The following RGS18 variants were observed in gnomAD, a reference collection of about 807,000 sequenced individuals.
RGS18 encodes the protein regulator of G-protein signaling 18.
Under a neutral mutation model 27.6 loss-of-function variants are expected in RGS18, and 22 were observed. That is an observed-to-expected ratio of 0.80 (90% confidence interval 0.57 to 1.14). RGS18 has a LOEUF of 1.14. RGS18 is among the 50% of genes most tolerant of loss of function. RGS18 has a pLI of 0.00. For synonymous variants in RGS18, 89 were observed against 84.6 expected, an observed-to-expected ratio of 1.05 and a Z score of -0.29; for missense variants, 299 against 269.6, an observed-to-expected ratio of 1.11 and a Z score of -0.76.
At chr1:192,177,051 A>C (rs373557744) in intron 3 of RGS18, among the ~76,000 whole-genome samples, 1 of 151,784 alleles carries the variant, frequency 6.6e-6, no homozygotes, top group Non-Finnish European at 1.5e-5. Context: ...CAGATTCAGA[A>C]ATAAAACTGT....
chr1:192,170,089 G>T (rs1490338408), intron 3 of RGS18, among the ~76,000 whole-genome samples: 1 of 152,188 alleles, frequency 6.6e-6, no homozygotes, highest in Non-Finnish European at 1.5e-5. Context: ...CGAAAGTTTA[G>T]TTCAGGCCAG....
chr1:192,177,898 T>G (rs1353344516), intron 3 of RGS18, among the ~76,000 whole-genome samples: 1 of 151,590 alleles, frequency 6.6e-6, no homozygotes, highest in Admixed American at 6.6e-5. Flanking sequence ...CGGTGAAGAA[T>G]CATAATAAAA....
intron 3 of RGS18, among the ~76,000 whole-genome samples, chr1:192,170,863 CA>C (rs1428736054): frequency 1.3e-5 from 2 of 152,044 alleles, no homozygotes; most frequent in Non-Finnish European, 2.9e-5. Context: ...ATTTAGCTTT[CA>C]AAAATTAAGG....
intron 3 of RGS18, among the ~76,000 whole-genome samples, chr1:192,172,515 C>T (rs1656278112): frequency 6.6e-6 from 1 of 151,898 alleles, no homozygotes; most frequent in Non-Finnish European, 1.5e-5. Flanking sequence ...TCTGTATAAA[C>T]TACCCAGCCT....
At chr1:192,164,793 C>T (rs1031818408) in intron 3 of RGS18, among the ~76,000 whole-genome samples, 3 of 152,174 alleles carry the variant, frequency 2.0e-5, no homozygotes, top group African/African-American at 7.2e-5. Flanking sequence ...CTTATAATTT[C>T]CTATGCTTGA....
At chr1:192,176,085 T>A (rs1254483198) in intron 3 of RGS18, among the ~76,000 whole-genome samples, 1 of 151,816 alleles carries the variant, frequency 6.6e-6, no homozygotes, top group Admixed American at 6.6e-5. Flanking sequence ...TGGGCTAAAG[T>A]GTCAAAGAAG....
rs966176037 is a variant in RGS18, at chr1:192,183,232, C to T, written c.451-1065C>T. Reference sequence around the variant, plus strand: ...GAAAGCCCCTACCTGAAAACCCAACCACCATCAGAACCAGATATATATGCA... The same window carrying T: ...GAAAGCCCCTACCTGAAAACCCAACTACCATCAGAACCAGATATATATGCA... On this transcript the variant is annotated intron_variant, in intron 4 of 4. Transcript: ENST00000367460. 4.6e-5 allele frequency among the ~76,000 whole-genome samples: 7 copies of T among 151,602 alleles called. No individual in the cohort carries two copies. In the East Asian group the frequency reaches 1.2e-3, roughly 25 times the overall value.
chr1:192,158,665 C>T lies in RGS18; in HGVS notation c.28C>T (p.Gln10Ter). The change falls in exon 1 of 5, where the codon CAA becomes TAA. Residue 10 changes from glutamine to a stop codon, truncating the protein, a stop_gained. Coordinates refer to ENST00000367460, the MANE Select transcript of RGS18 (RefSeq NM_130782.3). LOFTEE classifies it high-confidence loss of function. ...GGAAACAACATTGCTTTTCTTTTCT[C>T]AAATAAATATGTGTGAATCAAAAGA... The part of the protein sequence containing the change: METTLLFFS[Q>*]INMCESKEKT... 1 of 1,570,164 alleles carries T rather than the reference C, an allele frequency of 6.4e-7. No individual in the cohort carries two copies. Among genetic ancestry groups the T allele is most frequent in the Non-Finnish European group, 8.6e-7 (1 of 1,164,590 alleles).
intron 3 of RGS18, among the ~76,000 whole-genome samples, chr1:192,165,315 G>A (rs939246112): frequency 2.2e-4 from 34 of 152,126 alleles, no homozygotes; most frequent in African/African-American, 6.3e-4. Flanking sequence ...GATGTTTATC[G>A]ACGACAATGC....
chr1:192,176,805 A>G (rs1245465810), intron 3 of RGS18, among the ~76,000 whole-genome samples: 3 of 151,770 alleles, frequency 2.0e-5, no homozygotes, highest in Admixed American at 2.0e-4. Flanking sequence ...GAACAAAGTA[A>G]GGAATACATT....
At chr1:192,175,274 T>G (rs1656338506) in intron 3 of RGS18, among the ~76,000 whole-genome samples, 1 of 151,628 alleles carries the variant, frequency 6.6e-6, no homozygotes, top group Non-Finnish European at 1.5e-5. Flanking sequence ...TGATATTTTA[T>G]CAACAAACAA....
In RGS18 at chr1:192,184,591, T is replaced by C. The variant is rs372983266; in HGVS notation, c.*37T>C. The C allele has an allele frequency of 9.5e-6, 15 of 1,576,568 alleles. No individual in the cohort carries two copies. Among genetic ancestry groups the C allele is most frequent in the South Asian group, 4.5e-5 (4 of 89,476 alleles). ...TTTGCTCATTTTTATGACAAACTTA[T>C]ACATCTGCTTCTAACATATCGCATG... is the stretch of plus-strand genomic sequence containing the variant. On this transcript the variant is annotated 3_prime_UTR_variant, in exon 5 of 5. Coordinates refer to ENST00000367460, the MANE Select transcript of RGS18 (RefSeq NM_130782.3).
At chr1:192,164,365 T>C (rs1423530265) in intron 3 of RGS18, among the ~76,000 whole-genome samples, 3 of 152,108 alleles carry the variant, frequency 2.0e-5, no homozygotes, top group Non-Finnish European at 2.9e-5. Context: ...TGGCTTAGGG[T>C]GACAGACAAT....
At chr1:192,177,588 G>A (rs546038828) in intron 3 of RGS18, among the ~76,000 whole-genome samples, 106 of 151,770 alleles carry the variant, frequency 7.0e-4, no homozygotes, top group African/African-American at 2.3e-3. Context: ...AAGTTTACCC[G>A]GCACAGTAGA....
At chr1:192,178,436 G>A (rs1656394595) in intron 3 of RGS18, among the ~76,000 whole-genome samples, 1 of 151,506 alleles carries the variant, frequency 6.6e-6, no homozygotes, top group South Asian at 2.1e-4. Context: ...GAGTTTAAGG[G>A]AAAGATGAAG....
At chr1:192,184,045 G>A (rs1303785767) in intron 4 of RGS18, among the ~76,000 whole-genome samples, 1 of 151,528 alleles carries the variant, frequency 6.6e-6, no homozygotes, top group Non-Finnish European at 1.5e-5. Flanking sequence ...CGCAAGGACA[G>A]CACTAAGGAG....
chr1:192,183,302 C>T (rs1288760291), intron 4 of RGS18, among the ~76,000 whole-genome samples: 1 of 151,528 alleles, frequency 6.6e-6, no homozygotes, highest in African/African-American at 2.4e-5. Context: ...CTTTAAAAGA[C>T]ATTCATACTA....
intron 3 of RGS18, among the ~76,000 whole-genome samples, chr1:192,173,678 TG>T (rs998410403): frequency 2.0e-5 from 3 of 151,852 alleles, no homozygotes; most frequent in Admixed American, 2.0e-4. Flanking sequence ...ATAGGTTTAT[TG>T]TTTTTTTAAA....
intron 3 of RGS18, among the ~76,000 whole-genome samples, 184 bp from the exon 4 acceptor site, chr1:192,181,108 T>C (rs1656444904): frequency 6.6e-6 from 1 of 151,558 alleles, no homozygotes; most frequent in Non-Finnish European, 1.5e-5. Flanking sequence ...ATACTTTCCT[T>C]TTATAGTTGT....
Sources: gnomAD v4.1 joint callset for allele counts (sites outside exome capture counted in the v4.1 genomes callset) on GRCh38, gnomAD v4.1.1 for gene constraint, MANE v1.5 for transcripts, NCBI Gene and HGNC (gene_info 2026-07-23, HGNC 2026-07-21) for gene names.